Variants in GNG4 observed in about 807,000 individuals in gnomAD.
GNG4 encodes the protein G protein subunit gamma 4.
Under a neutral mutation model 5.8 loss-of-function variants are expected in GNG4, and 4 were observed. The observed-to-expected ratio is 0.69, with a 90% CI of 0.34 to 1.57. The LOEUF (loss-of-function observed/expected upper bound fraction) is 1.57, where lower values mean the gene tolerates loss of function less well. Ranked by LOEUF, GNG4 falls within the 40% of genes most tolerant of loss-of-function variation. GNG4 has a pLI of 0.06. For missense variants in GNG4, 96 were observed against 95.1 expected (o/e 1.01, Z -0.04); for synonymous variants, 29 against 32.9 (o/e 0.88, Z 0.41).
intron 1 of GNG4, among the ~76,000 whole-genome samples, chr1:235,620,737 G>A (rs1688693172): frequency 3.9e-5 from 6 of 152,072 alleles, no homozygotes; most frequent in Admixed American, 6.5e-5. Context: ...GGGTTTCACC[G>A]TGTTAGCCAG....
At chr1:235,617,319 G>A (rs539599505) in intron 1 of GNG4, among the ~76,000 whole-genome samples, 2 of 152,142 alleles carry the variant, frequency 1.3e-5, no homozygotes, top group South Asian at 2.1e-4. Flanking sequence ...CAGGGTGAGA[G>A]GGGAGGCAGG....
intron 2 of GNG4, among the ~76,000 whole-genome samples, chr1:235,593,946 T>G (rs1008112719): frequency 6.6e-6 from 1 of 152,244 alleles, no homozygotes; most frequent in Non-Finnish European, 1.5e-5. Flanking sequence ...TTACCCCAGC[T>G]GGCGCGGGCA....
chr1:235,599,980 C>T (rs1020256948), intron 1 of GNG4, among the ~76,000 whole-genome samples: 2 of 152,114 alleles, frequency 1.3e-5, no homozygotes, highest in African/African-American at 2.4e-5. Flanking sequence ...CAGCCTACCC[C>T]AGGAAGTGAT....
intron 1 of GNG4, among the ~76,000 whole-genome samples, chr1:235,631,374 C>A (rs1176680876): frequency 1.3e-5 from 2 of 152,122 alleles, no homozygotes; most frequent in South Asian, 4.1e-4. Flanking sequence ...TGTAATGTGC[C>A]TAGGTTGATC....
At chr1:235,610,396 A>G (rs897216471) in intron 1 of GNG4, among the ~76,000 whole-genome samples, 6 of 152,192 alleles carry the variant, frequency 3.9e-5, no homozygotes, top group Non-Finnish European at 8.8e-5. Context: ...AAGTTTCTTC[A>G]CTGTAGTTAC....
At chr1:235,639,904 C>T (rs10802900) in intron 1 of GNG4, among the ~76,000 whole-genome samples, 79,861 of 152,062 alleles carry the variant, frequency 0.53, 23,472 homozygotes, top group East Asian at 0.85. Flanking sequence ...ACCCCTAGGA[C>T]ATGGCACACA....
At chr1:235,585,306 C>T (rs1687732792) in intron 2 of GNG4, among the ~76,000 whole-genome samples, 1 of 152,040 alleles carries the variant, frequency 6.6e-6, no homozygotes, top group Non-Finnish European at 1.5e-5. Context: ...GTGGTGCAAT[C>T]ACAGCTCACT....
chr1:235,634,567 C>T (rs752765976), intron 1 of GNG4, among the ~76,000 whole-genome samples: 1 of 152,358 alleles, frequency 6.6e-6, no homozygotes, highest in Non-Finnish European at 1.5e-5. Flanking sequence ...AGATTTATAG[C>T]TTATCTGTAT....
At chr1:235,650,132 C>G (rs535370995), upstream of GNG4, 1 of 150,772 alleles carries the variant, frequency 6.6e-6, no homozygotes, top group Non-Finnish European at 1.5e-5. Context: ...CCCGCGCCCC[C>G]CGCCCGCTAC....
At chr1:235,600,474 C>A (rs763636119) in intron 1 of GNG4, among the ~76,000 whole-genome samples, 2 of 151,410 alleles carry the variant, frequency 1.3e-5, no homozygotes, top group Non-Finnish European at 2.9e-5. Context: ...GGGTCTTGCT[C>A]TGTCACCCAG....
chr1:235,599,251 C>T (rs1001181566), intron 1 of GNG4, among the ~76,000 whole-genome samples: 2 of 152,192 alleles, frequency 1.3e-5, no homozygotes, highest in African/African-American at 4.8e-5. Context: ...TGCAGAATCT[C>T]AGGTCCTACC....
Position 235,632,985 on chromosome 1 carries a change from T to C in GNG4, c.-123+16677A>G, listed in dbSNP as rs548580668. On this transcript the variant is annotated intron_variant, in intron 1 of 3. Coordinates refer to ENST00000391854, the MANE Select transcript of GNG4 (RefSeq NM_001098722.2). ...CACTGCTGATCATCTGTTCCATACA[T>C]TCAAAGGATCTCTCTACGGTGGTTA... is the stretch of plus-strand genomic sequence containing the variant. Among the ~76,000 whole-genome samples the C allele has an allele frequency of 1.4e-4, 21 of 152,298 alleles. No homozygotes were observed. In the East Asian group the frequency reaches 3.5e-3, roughly 25 times the overall value.
chr1:235,611,474 T>C lies in GNG4; in HGVS notation c.-122-15963A>G, dbSNP rs1220528982. 2.0e-5 allele frequency among the ~76,000 whole-genome samples: 3 copies of C among 152,286 alleles called. No homozygotes were observed. The East Asian group carries it at 5.8e-4, about 29-fold the overall frequency. ...TACATGTGGGCCATTGCGTCCTCCC[T>C]GGACCGAGATTCTTGAATATGTAGT... On this transcript the variant is annotated intron_variant, in intron 1 of 3. Coordinates refer to ENST00000391854, the MANE Select transcript of GNG4 (RefSeq NM_001098722.2).
At chr1:235,623,069 C>A (rs1453299812) in intron 1 of GNG4, among the ~76,000 whole-genome samples, 1 of 151,780 alleles carries the variant, frequency 6.6e-6, no homozygotes, top group Non-Finnish European at 1.5e-5. Flanking sequence ...ATGAGATGAT[C>A]CACTTCTCAC....
chr1:235,643,112 G>A (rs553211539), intron 1 of GNG4, among the ~76,000 whole-genome samples: 4 of 152,070 alleles, frequency 2.6e-5, no homozygotes, highest in Non-Finnish European at 5.9e-5. Context: ...TTCCCCACAT[G>A]GCAGTCACAG....
intron 1 of GNG4, among the ~76,000 whole-genome samples, chr1:235,608,225 T>C (rs1204781471): frequency 1.3e-5 from 2 of 152,132 alleles, no homozygotes; most frequent in African/African-American, 4.8e-5. Flanking sequence ...TGTGAGCCAC[T>C]GCACCTGGCC....
chr1:235,640,833 A>G (rs908186894), intron 1 of GNG4, among the ~76,000 whole-genome samples: 8 of 152,230 alleles, frequency 5.3e-5, no homozygotes, highest in African/African-American at 1.9e-4. Flanking sequence ...GGCGCCTGGC[A>G]GGTCAGAGGT....
At chr1:235,597,615 TGTGTGTGTGTGTG>T (rs1558491434) in intron 1 of GNG4, among the ~76,000 whole-genome samples, 2 of 109,856 alleles carry the variant, frequency 1.8e-5, no homozygotes, top group African/African-American at 3.3e-5. Context: ...TGTGTGTGTG[TGTGTGTGTGTGTG>T]TATTTTTTTT....
At chr1:235,571,085 G>A (rs1350855132) in intron 3 of GNG4, among the ~76,000 whole-genome samples, 1 of 151,486 alleles carries the variant, frequency 6.6e-6, no homozygotes, top group Non-Finnish European at 1.5e-5. Flanking sequence ...ACAGGTGTGA[G>A]TCACTGTGCT....
Sources: allele counts gnomAD v4.1 joint callset (sites outside exome capture counted in the v4.1 genomes callset), GRCh38; gene constraint gnomAD v4.1.1; transcripts MANE v1.5; gene names NCBI Gene and HGNC (gene_info 2026-07-23, HGNC 2026-07-21).